The following GHR variants were observed in gnomAD, a reference collection of about 807,000 sequenced individuals.
The protein encoded by GHR is growth hormone receptor.
GHR carries 35 observed loss-of-function variants against 67.1 expected under a neutral mutation model. The ratio of observed to expected loss-of-function variants is 0.52; its 90% CI spans 0.40 to 0.69. The LOEUF (loss-of-function observed/expected upper bound fraction) is 0.69. Ranked by LOEUF, GHR falls within the 30% of genes least tolerant of loss-of-function variation. GHR has a pLI of 0.00. For missense variants in GHR, 792 were observed against 764.6 expected, an observed-to-expected ratio of 1.04 and a Z score of -0.42; for synonymous variants, 272 against 269.1, an observed-to-expected ratio of 1.01 and a Z score of -0.10.
intron 3 of GHR, among the ~76,000 whole-genome samples, chr5:42,682,432 T>C (rs1347258728): frequency 6.6e-6 from 1 of 152,232 alleles, no homozygotes; most frequent in Non-Finnish European, 1.5e-5. Context: ...GTTGTCTTCG[T>C]AGTAAAAGTA....
intron 6 of GHR, among the ~76,000 whole-genome samples, chr5:42,702,740 A>G (rs760956741): frequency 6.6e-6 from 1 of 151,948 alleles, no homozygotes; most frequent in Non-Finnish European, 1.5e-5. Context: ...TAGCCATCCT[A>G]ACATCTTTGT....
In GHR at chr5:42,555,131, A is replaced by G. The variant is rs151100662; in HGVS notation, c.-11-10733A>G. Among the ~76,000 whole-genome samples the G allele has an allele frequency of 2.0e-5, 3 of 152,246 alleles. No individual in the cohort carries two copies. The East Asian group carries it at 5.8e-4, about 29-fold the overall frequency. On this transcript the variant is annotated intron_variant, in intron 1 of 9. Transcript: ENST00000230882. ...AGTCAGTCTGGCCAAATAGACTTCT[A>G]TTTTTACATAGAAGCTTAAAGGAGG...
chr5:42,586,574 ACTTGT>A (rs1751487101), intron 2 of GHR, among the ~76,000 whole-genome samples: 1 of 152,198 alleles, frequency 6.6e-6, no homozygotes, highest in African/African-American at 2.4e-5. Flanking sequence ...TGCAAAACCT[ACTTGT>A]CTTATTTAAT....
chr5:42,539,909 A>C (rs1289089816), intron 1 of GHR, among the ~76,000 whole-genome samples: 2 of 152,132 alleles, frequency 1.3e-5, no homozygotes, highest in African/African-American at 2.4e-5. Flanking sequence ...TTTTGCTATT[A>C]AGTATGATAT....
intron 1 of GHR, among the ~76,000 whole-genome samples, chr5:42,535,958 T>G (rs1368168858): frequency 6.6e-6 from 1 of 152,182 alleles, no homozygotes; most frequent in African/African-American, 2.4e-5. Flanking sequence ...GATTTGATTC[T>G]CTGCTTGGTC....
rs547600662 is a variant in GHR, at chr5:42,653,323, G to A, written c.136+24220G>A. On this transcript the variant is annotated intron_variant, in intron 3 of 9. Transcript: ENST00000230882. ...GAGGAATCTCAGGCTGCAAGATAAC[G>A]TATTAGTTTTCTAGAATCAAATAAG... 5.9e-5 allele frequency among the ~76,000 whole-genome samples: 9 copies of A among 152,202 alleles called. No individual in the cohort carries two copies. In the South Asian group the frequency reaches 1.0e-3, roughly 18 times the overall value.
At chr5:42,704,995 T>A (rs747034774) in intron 6 of GHR, among the ~76,000 whole-genome samples, 4 of 151,766 alleles carry the variant, frequency 2.6e-5, no homozygotes, top group Admixed American at 6.6e-5. Flanking sequence ...TGTTTTAATG[T>A]GCTAACTGAA....
At chr5:42,437,303 G>A (rs970220221) in intron 1 of GHR, among the ~76,000 whole-genome samples, 2 of 152,046 alleles carry the variant, frequency 1.3e-5, no homozygotes, top group African/African-American at 4.8e-5. Flanking sequence ...GTTTTAAACC[G>A]TGACCTTAGA....
At chr5:42,490,705 A>G (rs774721639) in intron 1 of GHR, among the ~76,000 whole-genome samples, 1 of 152,238 alleles carries the variant, frequency 6.6e-6, no homozygotes, top group Non-Finnish European at 1.5e-5. Flanking sequence ...ATATGGTAGT[A>G]TCCATCTTAT....
chr5:42,601,371 A>C (rs1752369671), intron 2 of GHR, among the ~76,000 whole-genome samples: 1 of 152,110 alleles, frequency 6.6e-6, no homozygotes, highest in Non-Finnish European at 1.5e-5. Flanking sequence ...GGCTTACATA[A>C]TTACTAGTAT....
intron 1 of GHR, among the ~76,000 whole-genome samples, chr5:42,562,536 A>G (rs1749667651): frequency 6.6e-6 from 1 of 152,036 alleles, no homozygotes; most frequent in Admixed American, 6.5e-5. Context: ...AAGAGTATGC[A>G]AACAGATTTC....
At chr5:42,488,343 A>T (rs1352351940) in intron 1 of GHR, among the ~76,000 whole-genome samples, 1 of 152,178 alleles carries the variant, frequency 6.6e-6, no homozygotes, top group Non-Finnish European at 1.5e-5. Flanking sequence ...TTCAAAGTTA[A>T]CTCGTAAGTA....
chr5:42,629,745 G>A lies in GHR; in HGVS notation c.136+642G>A, dbSNP rs764400453. Reference sequence around the variant, plus strand: ...CAAATTAATGAAGGAGGAAAAAAGAGGAAATGATACATCATGGATCAACAA... The same window carrying A: ...CAAATTAATGAAGGAGGAAAAAAGAAGAAATGATACATCATGGATCAACAA... On this transcript the variant is annotated intron_variant, in intron 3 of 9. Coordinates refer to ENST00000230882, the MANE Select transcript of GHR (RefSeq NM_000163.5). Among the ~76,000 whole-genome samples, 12 of 130,978 alleles carry A rather than the reference G, an allele frequency of 9.2e-5. 2 individuals are homozygous for A. The highest frequency in any genetic ancestry group is 1.9e-4 in the Non-Finnish European group (12 of 62,150). 85.9% of individuals were successfully genotyped at this position (130,978 alleles called of 152,430 possible).
chr5:42,578,103 C>A (rs1252261333), intron 2 of GHR, among the ~76,000 whole-genome samples: 1 of 152,002 alleles, frequency 6.6e-6, no homozygotes, highest in African/African-American at 2.4e-5. Flanking sequence ...GGAGGCGTGT[C>A]CTGTGCATTG....
intron 2 of GHR, among the ~76,000 whole-genome samples, chr5:42,622,673 T>G (rs1753507550): frequency 6.6e-6 from 1 of 152,230 alleles, no homozygotes; most frequent in African/African-American, 2.4e-5. Context: ...CTATGTTTAC[T>G]TGTGTTTGCA....
intron 1 of GHR, among the ~76,000 whole-genome samples, chr5:42,477,032 C>G (rs1044915295): frequency 8.6e-6 from 1 of 116,302 alleles, no homozygotes; most frequent in Middle Eastern, 7.0e-3. Flanking sequence ...TCCCTCCCCC[C>G]TCCCCCCACC....
chr5:42,660,356 C>G (rs1349462375), intron 3 of GHR, among the ~76,000 whole-genome samples: 2 of 152,144 alleles, frequency 1.3e-5, no homozygotes, highest in African/African-American at 4.8e-5. Flanking sequence ...CTGGGAGACA[C>G]CCCTCAGTAG....
intron 8 of GHR, among the ~76,000 whole-genome samples, chr5:42,716,587 C>G (rs1486134840): frequency 6.6e-6 from 1 of 152,016 alleles, no homozygotes; most frequent in Non-Finnish European, 1.5e-5. Flanking sequence ...ATTTAGTGAC[C>G]CATAGTTTAG....
At chr5:42,695,385 C>T (rs1451590212) in intron 5 of GHR, among the ~76,000 whole-genome samples, 1 of 152,132 alleles carries the variant, frequency 6.6e-6, no homozygotes, top group Non-Finnish European at 1.5e-5. Context: ...TTTTTATGTT[C>T]CACTGCAAAG....
Sources: gnomAD v4.1 joint callset for allele counts (sites outside exome capture counted in the v4.1 genomes callset) on GRCh38, gnomAD v4.1.1 for gene constraint, MANE v1.5 for transcripts, NCBI Gene and HGNC (gene_info 2026-07-23, HGNC 2026-07-21) for gene names.